The following KLHL1 variants were observed in gnomAD, a reference collection of about 807,000 sequenced individuals.
KLHL1 encodes kelch-like protein 1.
Under a neutral mutation model 77.7 loss-of-function variants are expected in KLHL1, and 47 were observed. That is an observed-to-expected ratio of 0.60 (90% CI 0.48 to 0.77). KLHL1 has a LOEUF of 0.77. Among genes scored for constraint, KLHL1 ranks in the 30% least tolerant of loss-of-function variants. The pLI, the probability that KLHL1 is intolerant of heterozygous loss-of-function variation, is 0.00. For synonymous variants in KLHL1, 360 were observed against 325.2 expected (o/e 1.11, Z -1.15); for missense variants, 925 against 910.8 (o/e 1.02, Z -0.20).
chr13:69,993,598 C>T (rs1387404688), intron 1 of KLHL1, among the ~76,000 whole-genome samples: 1 of 152,106 alleles, frequency 6.6e-6, no homozygotes, highest in Non-Finnish European at 1.5e-5. Flanking sequence ...AACACAGTCA[C>T]TCCATGTTGC....
intron 1 of KLHL1, among the ~76,000 whole-genome samples, chr13:70,058,540 T>C (rs1886801715): frequency 6.6e-6 from 1 of 152,146 alleles, no homozygotes; most frequent in African/African-American, 2.4e-5. Context: ...CTCTATAAAG[T>C]ATAGATCAGA....
intron 3 of KLHL1, among the ~76,000 whole-genome samples, chr13:69,952,890 A>G (rs965042452): frequency 1.3e-5 from 2 of 151,330 alleles, no homozygotes; most frequent in Admixed American, 6.6e-5. Context: ...TTTTCCCCCC[A>G]TACTATCAGC....
chr13:70,107,294 G>A lies in KLHL1; in HGVS notation c.406C>T (p.Pro136Ser), dbSNP rs371552263. Residue 136 changes from proline (P) to serine (S), a missense_variant, in exon 1 of 11, where the codon CCT (proline) becomes TCT (serine). By Grantham distance (74) the Pro-to-Ser change is moderately conservative (BLOSUM62 -1). Transcript: ENST00000377844. ...ACCAGCCCTTTTTCGTGTGGTCCAG[G>A]AAAGTCCATGCCTGGCACCACCTCC... The part of the protein sequence containing the change: ...EEEVVPGMDF[P>S]GPHEKGLVLQ... The A allele has an allele frequency of 6.2e-7, 1 of 1,614,006 alleles. No homozygotes were observed. Among genetic ancestry groups the A allele is most frequent in the Admixed American group, 1.7e-5 (1 of 60,002 alleles).
intron 7 of KLHL1, among the ~76,000 whole-genome samples, chr13:69,758,030 T>C (rs1874845174): frequency 6.8e-6 from 1 of 146,136 alleles, no homozygotes; most frequent in African/African-American, 2.5e-5. Context: ...AAAGTGGTAA[T>C]AAAAGGTTTT....
chr13:69,942,174 T>G (rs1593971645), intron 3 of KLHL1, among the ~76,000 whole-genome samples: 1 of 152,134 alleles, frequency 6.6e-6, no homozygotes, highest in East Asian at 1.9e-4. Context: ...ATATTTTCAT[T>G]TATATATATA....
chr13:69,929,842 T>C lies in KLHL1; in HGVS notation c.1014+10198A>G, dbSNP rs1004486447. Among the ~76,000 whole-genome samples the C allele has an allele frequency of 5.7e-4, 86 of 151,836 alleles. 6 individuals carry two copies. The highest frequency in any genetic ancestry group is 1.2e-4 in the Non-Finnish European group (8 of 67,800). On this transcript the variant is annotated intron_variant, in intron 4 of 10. Coordinates refer to ENST00000377844, the MANE Select transcript of KLHL1 (RefSeq NM_020866.3). ...ACATTGCCTTTTCTAAATAAAACAA[T>C]GGCAACTCTTGATTACCATATATAC...
Position 70,034,096 on chromosome 13 carries a change from T to C in KLHL1, c.498-58294A>G, listed in dbSNP as rs186536537. Among the ~76,000 whole-genome samples the C allele has an allele frequency of 2.6e-5, 4 of 152,318 alleles. No individual in the cohort carries two copies. The East Asian group carries it at 7.7e-4, about 29-fold the overall frequency. ...TTTAAGTTCTAAGAATCACCTCAAGTGCAGCACTGAAATGCAGCCAAGTTT... is the reference window on the plus strand; with the variant it reads ...TTTAAGTTCTAAGAATCACCTCAAGCGCAGCACTGAAATGCAGCCAAGTTT... On this transcript the variant is annotated intron_variant, in intron 1 of 10. Coordinates refer to ENST00000377844, the MANE Select transcript of KLHL1 (RefSeq NM_020866.3).
At position 69,775,995 on chromosome 13, in the gene KLHL1, CA is replaced by C. The variant is rs112106421; in HGVS notation, c.1639+20742del. ...GTGAAGCCCTGTCTCTACTAAAATA[CA>C]AAAAAAAAAACTAGCTTGGCGTGGT... On this transcript the variant is annotated intron_variant, in intron 7 of 10. Transcript: ENST00000377844. 9.4e-3 allele frequency among the ~76,000 whole-genome samples: 1,364 copies of C among 144,752 alleles called. 11 individuals are homozygous for C. Among genetic ancestry groups the C allele is most frequent in the African/African-American group, 0.022 (877 of 39,580 alleles). The allele number at this position is 144,752 out of a possible 152,430, so 95.0% of individuals were successfully genotyped here.
chr13:69,869,651 A>G (rs1355252735), intron 5 of KLHL1, among the ~76,000 whole-genome samples: 1 of 152,130 alleles, frequency 6.6e-6, no homozygotes, highest in African/African-American at 2.4e-5. Context: ...TCTCTAGGAC[A>G]TTTTTGTTTC....
chr13:69,839,011 G>T lies in KLHL1; in HGVS notation c.1379C>A (p.Thr460Asn), dbSNP rs967408287. The T allele has an allele frequency of 6.2e-7, 1 of 1,609,406 alleles. No individual in the cohort carries two copies. Among genetic ancestry groups the T allele is most frequent in the African/African-American group, 1.3e-5 (1 of 74,734 alleles). Residue 460 changes from threonine to asparagine, a missense_variant, in exon 6 of 11, where the codon ACT (threonine) becomes AAT (asparagine). By Grantham distance (65) the Thr-to-Asn change is moderately conservative (BLOSUM62 0). Transcript: ENST00000377844. ...ATCCATTCCTCCTACAGCATACAAAGTTCCGACTGTAGATTTTCTGGGTTT... is the reference window on the plus strand; with the variant it reads ...ATCCATTCCTCCTACAGCATACAAATTTCCGACTGTAGATTTTCTGGGTTT... Reference protein sequence around the residue: ...RTKPRKSTVGTLYAVGGMDNN... With the variant: ...RTKPRKSTVGNLYAVGGMDNN...
chr13:69,926,607 A>G (rs1242178395), intron 4 of KLHL1, among the ~76,000 whole-genome samples: 2 of 152,128 alleles, frequency 1.3e-5, no homozygotes, highest in Non-Finnish European at 2.9e-5. Flanking sequence ...CCAATTTCAT[A>G]TGAAAATATA....
intron 5 of KLHL1, among the ~76,000 whole-genome samples, chr13:69,852,106 CT>C: frequency 6.6e-6 from 1 of 151,872 alleles, no homozygotes; most frequent in Middle Eastern, 3.4e-3. Context: ...AGAAATTGCT[CT>C]GAATTAAGAG....
intron 5 of KLHL1, among the ~76,000 whole-genome samples, chr13:69,842,714 A>G (rs1879314456): frequency 6.6e-6 from 1 of 151,976 alleles, no homozygotes; most frequent in Non-Finnish European, 1.5e-5. Context: ...AGAAATCAGT[A>G]TATCAAAGGA....
chr13:69,852,894 A>T (rs559781850), intron 5 of KLHL1, among the ~76,000 whole-genome samples: 18 of 152,152 alleles, frequency 1.2e-4, no homozygotes, highest in Admixed American at 1.2e-3. Context: ...ATTAATCTTG[A>T]TACCAAAGGC....
chr13:69,843,374 T>A (rs561868860), intron 5 of KLHL1, among the ~76,000 whole-genome samples: 2 of 151,776 alleles, frequency 1.3e-5, no homozygotes, highest in East Asian at 3.9e-4. Flanking sequence ...GGAAACAGCT[T>A]AGGTTTTAGA....
intron 4 of KLHL1, among the ~76,000 whole-genome samples, chr13:69,919,247 C>T (rs1882551684): frequency 6.6e-6 from 1 of 152,100 alleles, no homozygotes; most frequent in Non-Finnish European, 1.5e-5. Flanking sequence ...GTTTCCCATG[C>T]AATATTCATT....
chr13:70,099,907 T>C (rs1441154368), intron 1 of KLHL1, among the ~76,000 whole-genome samples: 1 of 152,032 alleles, frequency 6.6e-6, no homozygotes, highest in Non-Finnish European at 1.5e-5. Flanking sequence ...ATTTATGTAT[T>C]CTTATACTTA....
At chr13:70,084,458 C>CTTTTTTTTTTTT (rs1386556599) in intron 1 of KLHL1, among the ~76,000 whole-genome samples, 4 of 62,772 alleles carry the variant, frequency 6.4e-5, no homozygotes, top group African/African-American at 2.8e-4. Flanking sequence ...TCTATTTCTT[C>CTTTTTTTTTTTT]TTCTTCTTTT....
chr13:70,042,534 G>A (rs927129918), intron 1 of KLHL1, among the ~76,000 whole-genome samples: 3 of 152,070 alleles, frequency 2.0e-5, no homozygotes, highest in African/African-American at 7.2e-5. Flanking sequence ...ATTGCACAAT[G>A]TATTACCTAC....
Sources: gnomAD v4.1 joint callset for allele counts (sites outside exome capture counted in the v4.1 genomes callset) on GRCh38, gnomAD v4.1.1 for gene constraint, MANE v1.5 for transcripts, NCBI Gene and HGNC (gene_info 2026-07-23, HGNC 2026-07-21) for gene names.